SMG6: variants seen among roughly 807,000 people sequenced by gnomAD.
SMG6 encodes the protein SMG6 nonsense mediated mRNA decay factor.
Under a neutral mutation model 142.2 loss-of-function variants are expected in SMG6, and 66 were observed. That is an observed-to-expected ratio of 0.46 (90% CI 0.38 to 0.57). The LOEUF is 0.57. SMG6 is among the 20% of genes least tolerant of loss of function. The pLI, the probability that SMG6 is intolerant of heterozygous loss-of-function variation, is 0.00. For synonymous variants in SMG6, 779 were observed against 702.4 expected (o/e 1.11, Z -1.72); for missense variants, 1,793 against 1,832.0 (o/e 0.98, Z 0.39).
At chr17:2,141,981 G>GT (rs1476468172) in intron 13 of SMG6, among the ~76,000 whole-genome samples, 2 of 152,178 alleles carry the variant, frequency 1.3e-5, no homozygotes, top group Non-Finnish European at 2.9e-5. Context: ...TCTGAAGTGT[G>GT]TACTTCAGGT....
chr17:2,121,629 GTGTGTGTGTGTGTGTGT>G (rs1211225346), intron 13 of SMG6, among the ~76,000 whole-genome samples: 27 of 132,292 alleles, frequency 2.0e-4, no homozygotes, highest in Admixed American at 2.2e-4. Flanking sequence ...GTGTGTGTGT[GTGTGTGTGTGTGTGTGT>G]AGAGAGAGAG....
At chr17:2,287,462 T>G (rs567296946) in intron 6 of SMG6, among the ~76,000 whole-genome samples, 57 of 152,278 alleles carry the variant, frequency 3.7e-4, no homozygotes, top group African/African-American at 1.2e-3. Context: ...TGTAAAATGG[T>G]GTAGCTGCTA....
intron 13 of SMG6, among the ~76,000 whole-genome samples, chr17:2,111,865 C>T (rs1055362728): frequency 1.3e-5 from 2 of 152,170 alleles, no homozygotes; most frequent in Non-Finnish European, 2.9e-5. Flanking sequence ...ATGCAGCTTG[C>T]ACACCCGCTC....
chr17:2,287,092 T>C (rs112111542), intron 6 of SMG6, among the ~76,000 whole-genome samples: 15,923 of 152,100 alleles, frequency 0.1, 887 homozygotes, highest in South Asian at 0.15. Flanking sequence ...CCACTGCGCC[T>C]GGCTAATTTT....
chr17:2,274,364 G>A (rs1467950737), intron 8 of SMG6, among the ~76,000 whole-genome samples: 1 of 152,072 alleles, frequency 6.6e-6, no homozygotes, highest in Non-Finnish European at 1.5e-5. Context: ...CCCAGAACAT[G>A]GTCTTCTACT....
Position 2,188,381 on chromosome 17 carries a change from G to GGGAC in SMG6, c.2986+14_2986+17dup. ...GGCAACTGGAAAGCCCACCAGGCTG[G>GGGAC]GGACTCCTCCTGCTTACCTTTGGCG... On this transcript the variant is annotated intron_variant, in intron 11 of 18. Transcript: ENST00000263073. 2 of 1,609,774 alleles carry GGGAC rather than the reference G, an allele frequency of 1.2e-6. No homozygotes were observed. The highest frequency in any genetic ancestry group is 1.7e-6 in the Non-Finnish European group (2 of 1,176,372).
chr17:2,066,569 C>T (rs1181589531), intron 16 of SMG6, among the ~76,000 whole-genome samples: 5 of 151,064 alleles, frequency 3.3e-5, no homozygotes, highest in Admixed American at 6.6e-5. Flanking sequence ...AGGGAGCCGG[C>T]GTGAGCATGC....
chr17:2,079,416 C>T (rs1036556532), intron 15 of SMG6, among the ~76,000 whole-genome samples: 2 of 151,856 alleles, frequency 1.3e-5, no homozygotes, highest in African/African-American at 2.4e-5. Flanking sequence ...GGGCAGATCA[C>T]GAAGTCAAGA....
At chr17:2,076,533 C>G (rs2068263560) in intron 15 of SMG6, among the ~76,000 whole-genome samples, 1 of 152,222 alleles carries the variant, frequency 6.6e-6, no homozygotes, top group Admixed American at 6.5e-5. Context: ...CCTGAGGGCA[C>G]ACATGTGTGT....
intron 8 of SMG6, among the ~76,000 whole-genome samples, chr17:2,259,211 C>G (rs939630609): frequency 1.3e-5 from 2 of 151,950 alleles, no homozygotes; most frequent in Admixed American, 6.6e-5. Flanking sequence ...CGAGAGACCA[C>G]CAGGCCAAAC....
chr17:2,061,723 A>G, intron 18 of SMG6, 101 bp from the exon 19 acceptor site: 1 of 1,339,084 alleles, frequency 7.5e-7, no homozygotes, highest in Admixed American at 2.0e-5. Flanking sequence ...AGGGGGTGCC[A>G]CGCTAGCCGT....
intron 8 of SMG6, among the ~76,000 whole-genome samples, chr17:2,281,843 C>T (rs901404636): frequency 2.0e-5 from 3 of 152,282 alleles, no homozygotes; most frequent in African/African-American, 7.2e-5. Context: ...TCTCTCTCCC[C>T]CAGCCAGCCT....
chr17:2,238,553 G>T (rs938362267), intron 9 of SMG6, among the ~76,000 whole-genome samples: 1 of 152,192 alleles, frequency 6.6e-6, no homozygotes. Flanking sequence ...TTCTCGTTAC[G>T]AGAATAGCAG....
intron 6 of SMG6, among the ~76,000 whole-genome samples, chr17:2,287,417 G>A (rs1454010108): frequency 6.6e-6 from 1 of 152,188 alleles, no homozygotes; most frequent in South Asian, 2.1e-4. Context: ...CAAGGAAGTG[G>A]AGAAATCAGA....
At chr17:2,206,605 G>C (rs955585916) in intron 10 of SMG6, among the ~76,000 whole-genome samples, 2 of 151,356 alleles carry the variant, frequency 1.3e-5, no homozygotes, top group African/African-American at 4.9e-5. Context: ...ATTTGGCGGG[G>C]AGCAGTGGCT....
chr17:2,162,388 C>T (rs1046411411), intron 13 of SMG6, among the ~76,000 whole-genome samples: 6 of 151,868 alleles, frequency 4.0e-5, no homozygotes, highest in Admixed American at 3.9e-4. Flanking sequence ...GTGGTGGGCG[C>T]CTATAGTCCC....
intron 13 of SMG6, among the ~76,000 whole-genome samples, chr17:2,135,408 A>C (rs2070261720): frequency 6.6e-6 from 1 of 152,136 alleles, no homozygotes; most frequent in Non-Finnish European, 1.5e-5. Context: ...AGATCACAAG[A>C]ACCTACTCCT....
intron 10 of SMG6, among the ~76,000 whole-genome samples, chr17:2,213,480 G>A (rs897179938): frequency 2.6e-5 from 4 of 152,152 alleles, no homozygotes; most frequent in African/African-American, 9.7e-5. Flanking sequence ...ACGTTGGTGC[G>A]AGTTTGCTGA....
intron 13 of SMG6, among the ~76,000 whole-genome samples, chr17:2,109,318 C>T (rs557349774): frequency 3.0e-4 from 45 of 151,968 alleles, no homozygotes; most frequent in Non-Finnish European, 5.0e-4. Flanking sequence ...GGCTGGAGTG[C>T]GGTGGCACAA....
Sources: allele counts gnomAD v4.1 joint callset (sites outside exome capture counted in the v4.1 genomes callset), GRCh38; gene constraint gnomAD v4.1.1; transcripts MANE v1.5; gene names NCBI Gene and HGNC (gene_info 2026-07-23, HGNC 2026-07-21).